The following RORA variants were observed in gnomAD, a reference collection of about 807,000 sequenced individuals.
RORA encodes the protein RAR related orphan receptor A, also known as nuclear receptor ROR-alpha.
Under a neutral mutation model 69.5 loss-of-function variants are expected in RORA, and 7 were observed. That is an observed-to-expected ratio of 0.10 (90% confidence interval 0.06 to 0.19). The LOEUF is 0.19. Ranked by LOEUF, RORA falls within the 10% of genes least tolerant of loss-of-function variation. The pLI is 1.00. For synonymous variants in RORA, 261 were observed against 240.8 expected (o/e 1.08, Z -0.78); for missense variants, 457 against 663.0 (o/e 0.69, Z 3.41).
chr15:60,947,453 C>T (rs979469336), intron 1 of RORA, among the ~76,000 whole-genome samples: 3 of 151,838 alleles, frequency 2.0e-5, no homozygotes, highest in African/African-American at 7.3e-5. Flanking sequence ...GGATTAAGGG[C>T]GGTGCAAGAT....
rs543112017 is a variant in RORA at position 60,931,915 on chromosome 15, A to T, written c.167-253229T>A. On this transcript the variant is annotated intron_variant, in intron 1 of 10. Coordinates refer to ENST00000335670, the MANE Select transcript of RORA (RefSeq NM_134261.3). ...GGGAGCCATGTTAAGCCATTGCCTC[A>T]ACTTGGCACTGCAGCTAAACATAAT... 7.2e-5 allele frequency among the ~76,000 whole-genome samples: 11 copies of T among 152,360 alleles called. No individual in the cohort carries two copies. In the East Asian group the frequency reaches 1.9e-3, roughly 27 times the overall value.
At chr15:60,873,656 G>C (rs1197330108) in intron 1 of RORA, among the ~76,000 whole-genome samples, 4 of 152,100 alleles carry the variant, frequency 2.6e-5, no homozygotes, top group South Asian at 4.2e-4. Context: ...ACAAACTTAG[G>C]GGGGAAAGCT....
intron 2 of RORA, among the ~76,000 whole-genome samples, chr15:60,606,169 A>G (rs141013354): frequency 1.1e-3 from 174 of 152,364 alleles, no homozygotes; most frequent in African/African-American, 4.0e-3. Context: ...GCTCTGACTC[A>G]CAGCAACCTT....
At chr15:61,204,563 C>A (rs1342115809) in intron 1 of RORA, among the ~76,000 whole-genome samples, 1 of 152,084 alleles carries the variant, frequency 6.6e-6, no homozygotes, top group Non-Finnish European at 1.5e-5. Context: ...ACACCTGAGG[C>A]CAGGTTAGAG....
At chr15:61,108,302 G>T (rs1281873772) in intron 1 of RORA, among the ~76,000 whole-genome samples, 1 of 152,188 alleles carries the variant, frequency 6.6e-6, no homozygotes, top group Non-Finnish European at 1.5e-5. Flanking sequence ...TTGTGACTTT[G>T]CAGTGAGCCA....
At chr15:61,043,327 A>T (rs984314588) in intron 1 of RORA, among the ~76,000 whole-genome samples, 1 of 152,192 alleles carries the variant, frequency 6.6e-6, no homozygotes, top group Non-Finnish European at 1.5e-5. Context: ...GGAGAGATCC[A>T]TGCCTCCCAA....
chr15:60,953,697 A>T (rs995934740), intron 1 of RORA, among the ~76,000 whole-genome samples: 6 of 151,484 alleles, frequency 4.0e-5, no homozygotes, highest in Non-Finnish European at 7.4e-5. Context: ...AAAAATGCTC[A>T]TCATCACTGG....
In RORA at chr15:61,213,241, G is replaced by A. The variant is rs1212600471; in HGVS notation, c.166+15812C>T. ...CCACTTCCTGGGGAATCCTACCGCA[G>A]AGTCAACTCTTCTTCGCCTTCCACT... On this transcript the variant is annotated intron_variant, in intron 1 of 10. Coordinates refer to ENST00000335670, the MANE Select transcript of RORA (RefSeq NM_134261.3). The surrounding 1 kb of genome is among the most constrained non-coding windows in gnomAD (Gnocchi z 4.1). Among the ~76,000 whole-genome samples, 1 of 152,084 alleles carries A rather than the reference G, an allele frequency of 6.6e-6. No homozygotes were observed. The highest frequency in any genetic ancestry group is 2.4e-5 in the African/African-American group (1 of 41,412).
At chr15:60,724,495 G>T (rs1213668292) in intron 1 of RORA, among the ~76,000 whole-genome samples, 2 of 152,056 alleles carry the variant, frequency 1.3e-5, no homozygotes, top group Non-Finnish European at 1.5e-5. Context: ...CAGGTGTTCG[G>T]GCTCTCCAGG....
At position 60,912,348 on chromosome 15, in the gene RORA, C is replaced by T. The variant is rs1041811162; in HGVS notation, c.167-233662G>A. 2.0e-5 allele frequency among the ~76,000 whole-genome samples: 3 copies of T among 151,990 alleles called. No homozygotes were observed. In the East Asian group the frequency reaches 5.8e-4, roughly 29 times the overall value. The stretch of plus-strand genomic sequence containing the variant: ...GAGATGACAGGATCGCTTGAGCCCA[C>T]GAGTTCAAGGCTACAGTGAGCTATG... On this transcript the variant is annotated intron_variant, in intron 1 of 10. Transcript: ENST00000335670.
intron 1 of RORA, among the ~76,000 whole-genome samples, chr15:61,060,378 G>A (rs2078166271): frequency 6.6e-6 from 1 of 152,138 alleles, no homozygotes; most frequent in African/African-American, 2.4e-5. Flanking sequence ...ATGCATTGCA[G>A]GAACCCTTCT....
intron 1 of RORA, among the ~76,000 whole-genome samples, chr15:61,141,399 A>G (rs142875136): frequency 3.5e-4 from 53 of 152,338 alleles, no homozygotes; most frequent in African/African-American, 1.3e-3. Context: ...CCCTGTTATA[A>G]AATCCAACAC....
chr15:60,867,804 G>A (rs11639002), intron 1 of RORA, among the ~76,000 whole-genome samples: 96,546 of 152,014 alleles, frequency 0.64, 31,672 homozygotes, highest in East Asian at 0.9. Context: ...ATGATCATTT[G>A]ATTAATAAGA....
intron 1 of RORA, among the ~76,000 whole-genome samples, chr15:60,695,738 G>A (rs761274493): frequency 1.3e-5 from 2 of 151,910 alleles, no homozygotes; most frequent in East Asian, 1.9e-4. Flanking sequence ...GCGCCCCCAC[G>A]TCCCCACAGC....
chr15:60,858,692 T>TACACACACACACAC (rs3053884), intron 1 of RORA, among the ~76,000 whole-genome samples: 14,336 of 142,668 alleles, frequency 0.1, 910 homozygotes, highest in Non-Finnish European at 0.14. Flanking sequence ...AGAAAGAAAA[T>TACACACACACACAC]ACACACACAC....
At chr15:60,628,647 T>C (rs928907284) in intron 2 of RORA, among the ~76,000 whole-genome samples, 1 of 152,190 alleles carries the variant, frequency 6.6e-6, no homozygotes, top group Non-Finnish European at 1.5e-5. Flanking sequence ...AGACCAGGCA[T>C]TTAATTAATG....
At chr15:60,933,756 G>A (rs1317096512) in intron 1 of RORA, among the ~76,000 whole-genome samples, 1 of 152,168 alleles carries the variant, frequency 6.6e-6, no homozygotes, top group Non-Finnish European at 1.5e-5. Context: ...TACAGCTGTG[G>A]TATTTCATAC....
chr15:61,216,071 C>T (rs989143519), intron 1 of RORA, among the ~76,000 whole-genome samples: 2 of 152,208 alleles, frequency 1.3e-5, no homozygotes, highest in South Asian at 2.1e-4. Flanking sequence ...AGACAGGATT[C>T]CATACTTGCT....
At chr15:60,888,707 G>T (rs1445469587) in intron 1 of RORA, among the ~76,000 whole-genome samples, 1 of 152,166 alleles carries the variant, frequency 6.6e-6, no homozygotes, top group Admixed American at 6.5e-5. Context: ...CTCTCCTCAA[G>T]ATTCTCTTTC....
Sources: allele counts gnomAD v4.1 joint callset (sites outside exome capture counted in the v4.1 genomes callset), GRCh38; gene constraint gnomAD v4.1.1; non-coding constraint Gnocchi (gnomAD v3.1); transcripts MANE v1.5; gene names NCBI Gene and HGNC (gene_info 2026-07-23, HGNC 2026-07-21).